The following SLC35F1 variants were observed in gnomAD, a reference collection of about 807,000 sequenced individuals.
The protein encoded by SLC35F1 is chromosome 6 open reading frame 169.
In SLC35F1, 14 loss-of-function variants were observed where a neutral mutation model predicts 48.7. The observed-to-expected ratio is 0.29, with a 90% confidence interval of 0.19 to 0.45. The LOEUF is 0.45. Among genes scored for constraint, SLC35F1 ranks in the 20% least tolerant of loss-of-function variants. SLC35F1 has a pLI of 1.00. For synonymous variants in SLC35F1, 190 were observed against 202.2 expected (o/e 0.94, Z 0.51); for missense variants, 404 against 500.0 (o/e 0.81, Z 1.83).
chr6:117,989,302 G>A (rs1776887636), intron 1 of SLC35F1, among the ~76,000 whole-genome samples: 1 of 152,184 alleles, frequency 6.6e-6, no homozygotes, highest in South Asian at 2.1e-4. Context: ...TCCCCTAATG[G>A]GAAACCATCT....
chr6:117,948,876 G>A (rs147499141), intron 1 of SLC35F1, among the ~76,000 whole-genome samples: 5 of 152,038 alleles, frequency 3.3e-5, no homozygotes, highest in East Asian at 3.9e-4. Context: ...AGAGTTTCTC[G>A]GGGACTAAGA....
At chr6:118,185,545 A>T (rs1774643964) in intron 2 of SLC35F1, among the ~76,000 whole-genome samples, 1 of 152,232 alleles carries the variant, frequency 6.6e-6, no homozygotes, top group Admixed American at 6.5e-5. Flanking sequence ...TTATCCGTAT[A>T]GTAACCTGAT....
At chr6:118,039,236 T>C (rs1420431380) in intron 1 of SLC35F1, among the ~76,000 whole-genome samples, 2 of 152,150 alleles carry the variant, frequency 1.3e-5, no homozygotes, top group East Asian at 3.8e-4. Context: ...TATTAGAATG[T>C]TTTATATGTA....
chr6:117,948,330 C>T (rs1319933069), intron 1 of SLC35F1, among the ~76,000 whole-genome samples: 1 of 152,168 alleles, frequency 6.6e-6, no homozygotes, highest in African/African-American at 2.4e-5. Flanking sequence ...GCTACCATAT[C>T]TTGATACTGA....
At chr6:118,114,523 G>A (rs998249061) in intron 1 of SLC35F1, among the ~76,000 whole-genome samples, 9 of 149,918 alleles carry the variant, frequency 6.0e-5, no homozygotes, top group Non-Finnish European at 1.3e-4. Context: ...ACAGGGGCCC[G>A]CCACCACGCC....
In SLC35F1 at chr6:118,225,242, A is replaced by G. The variant is rs377672539; in HGVS notation, c.350-10267A>G. The stretch of plus-strand genomic sequence containing the variant: ...ATCACACTACCTGACTGCAAAATAT[A>G]CTACAAAGTTATGGCAATTAAATCA... On this transcript the variant is annotated intron_variant, in intron 2 of 7. Coordinates refer to ENST00000360388, the MANE Select transcript of SLC35F1 (RefSeq NM_001029858.4). Among the ~76,000 whole-genome samples the G allele has an allele frequency of 4.5e-4, 68 of 152,342 alleles. No individual in the cohort carries two copies. The South Asian group carries it at 0.013, about 28-fold the overall frequency.
chr6:118,139,116 T>C (rs1334726077), intron 1 of SLC35F1, among the ~76,000 whole-genome samples: 3 of 151,914 alleles, frequency 2.0e-5, no homozygotes, highest in East Asian at 1.9e-4. Flanking sequence ...ACTGTCTTCT[T>C]TTTTTTTGTT....
chr6:117,916,489 G>A (rs1775827444), intron 1 of SLC35F1, among the ~76,000 whole-genome samples: 4 of 152,124 alleles, frequency 2.6e-5, no homozygotes. Flanking sequence ...CATCAGGTTG[G>A]TACTAGTCAT....
chr6:118,057,828 A>C (rs1772484542), intron 1 of SLC35F1, among the ~76,000 whole-genome samples: 1 of 152,208 alleles, frequency 6.6e-6, no homozygotes, highest in Admixed American at 6.5e-5. Context: ...GAGAAGGAAA[A>C]GACATTTGAG....
intron 1 of SLC35F1, among the ~76,000 whole-genome samples, chr6:118,030,164 C>T (rs889968057): frequency 1.3e-5 from 2 of 152,140 alleles, no homozygotes; most frequent in African/African-American, 4.8e-5. Context: ...TGCAAAGTTG[C>T]TGGTTAGAGC....
At chr6:118,249,624 G>C (rs176015) in intron 3 of SLC35F1, among the ~76,000 whole-genome samples, 151,543 of 152,358 alleles carry the variant, frequency 0.99, 75,367 homozygotes, top group Middle Eastern at 1. Context: ...TCAATAAAAG[G>C]CTTCGAGCTG....
intron 1 of SLC35F1, among the ~76,000 whole-genome samples, chr6:118,068,577 C>A (rs538206786): frequency 6.6e-6 from 1 of 152,198 alleles, no homozygotes; most frequent in South Asian, 2.1e-4. Context: ...CTTCTTTTGG[C>A]AGTATATTTG....
chr6:117,951,108 T>C (rs1776358034), intron 1 of SLC35F1, among the ~76,000 whole-genome samples: 1 of 152,214 alleles, frequency 6.6e-6, no homozygotes, highest in Non-Finnish European at 1.5e-5. Flanking sequence ...TTTATCTTGA[T>C]AGCATGAATG....
At chr6:118,021,282 G>A (rs1472544658) in intron 1 of SLC35F1, among the ~76,000 whole-genome samples, 1 of 152,172 alleles carries the variant, frequency 6.6e-6, no homozygotes, top group Non-Finnish European at 1.5e-5. Flanking sequence ...CCTAATCCAT[G>A]ATGCTGTAGA....
At chr6:117,914,480 C>G (rs1053682671) in intron 1 of SLC35F1, among the ~76,000 whole-genome samples, 2 of 152,122 alleles carry the variant, frequency 1.3e-5, no homozygotes, top group African/African-American at 4.8e-5. Flanking sequence ...GCACTCTGGT[C>G]TGTCGTATAA....
At chr6:118,213,746 T>C (rs112789575) in intron 2 of SLC35F1, among the ~76,000 whole-genome samples, 5,260 of 152,278 alleles carry the variant, frequency 0.035, 111 homozygotes, top group Middle Eastern at 0.075. Context: ...ACCAGTATTA[T>C]AAATTTGATA....
chr6:118,078,880 G>C (rs73525674), intron 1 of SLC35F1, among the ~76,000 whole-genome samples: 4,007 of 152,188 alleles, frequency 0.026, 194 homozygotes, highest in African/African-American at 0.091. Context: ...CCTGAACACA[G>C]GGCATCCTGA....
intron 1 of SLC35F1, among the ~76,000 whole-genome samples, chr6:118,131,395 G>A (rs541228554): frequency 7.9e-5 from 12 of 152,212 alleles, no homozygotes; most frequent in Admixed American, 6.5e-4. Context: ...GGAAGTTGCT[G>A]CCTACCATTC....
intron 1 of SLC35F1, among the ~76,000 whole-genome samples, chr6:118,090,253 G>A (rs6900050): frequency 0.37 from 56,844 of 151,942 alleles, 10,994 homozygotes; most frequent in East Asian, 0.45. Flanking sequence ...AAATTTCCTA[G>A]TATTGTCATT....
Sources: gnomAD v4.1 joint callset for allele counts (sites outside exome capture counted in the v4.1 genomes callset) on GRCh38, gnomAD v4.1.1 for gene constraint, MANE v1.5 for transcripts, NCBI Gene and HGNC (gene_info 2026-07-23, HGNC 2026-07-21) for gene names.